PRMT8: variants seen among roughly 807,000 people sequenced by gnomAD.
PRMT8 encodes protein arginine N-methyltransferase 8.
PRMT8 carries 7 observed loss-of-function variants against 47.1 expected under a neutral mutation model. The ratio of observed to expected loss-of-function variants is 0.15; its 90% confidence interval spans 0.08 to 0.28. PRMT8 has a LOEUF of 0.28. PRMT8 is among the 10% of genes least tolerant of loss of function. The pLI is 1.00. For synonymous variants in PRMT8, 188 were observed against 186.5 expected (o/e 1.01, Z -0.07); for missense variants, 237 against 505.4 (o/e 0.47, Z 5.09).
rs1298126829 is a variant in PRMT8 at position 3,397,188 on chromosome 12, C to T, written c.48+15746C>T. Among the ~76,000 whole-genome samples the T allele has an allele frequency of 6.6e-5, 10 of 151,914 alleles. 2 individuals are homozygous for T. In the East Asian group the frequency reaches 1.4e-3, roughly 21 times the overall value. ...CTCCCATAGCTTGGAGTAATTTGATCGTCTGAAGCCTTCTTCTCAGCTCGT... is the reference window on the plus strand; with the variant it reads ...CTCCCATAGCTTGGAGTAATTTGATTGTCTGAAGCCTTCTTCTCAGCTCGT... On this transcript the variant is annotated intron_variant, in intron 1 of 9. Transcript: ENST00000452611.
intron 2 of PRMT8, among the ~76,000 whole-genome samples, chr12:3,547,564 G>A (rs1866346472): frequency 6.6e-6 from 1 of 152,116 alleles, no homozygotes; most frequent in Non-Finnish European, 1.5e-5. Context: ...GATTACTTGA[G>A]CCCCGGCATT....
intron 1 of PRMT8, among the ~76,000 whole-genome samples, chr12:3,466,302 C>T (rs576476931): frequency 2.0e-5 from 3 of 152,222 alleles, no homozygotes; most frequent in East Asian, 1.9e-4. Flanking sequence ...CTGGTGTGGC[C>T]GGTCTGATGA....
chr12:3,399,746 G>A (rs1332505501), intron 1 of PRMT8, among the ~76,000 whole-genome samples: 1 of 152,066 alleles, frequency 6.6e-6, no homozygotes, highest in Non-Finnish European at 1.5e-5. Flanking sequence ...TTTATACTTT[G>A]GATATTAGTT....
intron 1 of PRMT8, among the ~76,000 whole-genome samples, chr12:3,412,188 G>A (rs11614355): frequency 0.3 from 45,585 of 152,094 alleles, 7,856 homozygotes; most frequent in African/African-American, 0.47. Context: ...TCAATACTGT[G>A]GGCAATTGTA....
intron 1 of PRMT8, among the ~76,000 whole-genome samples, chr12:3,425,279 T>G (rs1295210348): frequency 1.3e-5 from 2 of 152,230 alleles, no homozygotes; most frequent in Non-Finnish European, 2.9e-5. Flanking sequence ...GGTCTTTATG[T>G]TTAGGTTTTG....
intron 1 of PRMT8, among the ~76,000 whole-genome samples, chr12:3,523,952 TCAAA>T (rs1221878213): frequency 6.6e-6 from 1 of 152,082 alleles, no homozygotes; most frequent in African/African-American, 2.4e-5. Context: ...TACTGATGAG[TCAAA>T]CAAAGGCGAC....
rs148546653 is a variant in PRMT8 at position 3,546,184 on chromosome 12, C to T, written c.262-3752C>T. Among the ~76,000 whole-genome samples the T allele has an allele frequency of 3.8e-3, 572 of 152,092 alleles. 6 individuals are homozygous for T. The Middle Eastern group carries it at 0.058, about 15-fold the overall frequency. On this transcript the variant is annotated intron_variant, in intron 2 of 9. Coordinates refer to ENST00000382622, the MANE Select transcript of PRMT8 (RefSeq NM_019854.5). Reference sequence around the variant, plus strand: ...AATACAACATATTAAAATTTGGAGACGGAAATTCAAGCAATATTTAGAGGG... The same window carrying T: ...AATACAACATATTAAAATTTGGAGATGGAAATTCAAGCAATATTTAGAGGG...
At chr12:3,444,847 C>G (rs187906036) in intron 1 of PRMT8, among the ~76,000 whole-genome samples, 2 of 152,342 alleles carry the variant, frequency 1.3e-5, no homozygotes, top group African/African-American at 4.8e-5. Context: ...CCTGCACATG[C>G]CCCTTCGGGT....
rs1190024559 is a variant in PRMT8, at chr12:3,508,928, A to G, written c.75+17228A>G. ...GAACTCTGCTCTCTCCTTTCTCCAT[A>G]ACAAGACCTGGCGATTCTACATCTG... is the stretch of plus-strand genomic sequence containing the variant. On this transcript the variant is annotated intron_variant, in intron 1 of 9. Transcript: ENST00000382622. The surrounding 1 kb of genome is among the most constrained non-coding windows in gnomAD (Gnocchi z 4.9). Among the ~76,000 whole-genome samples, 2 of 152,030 alleles carry G rather than the reference A, an allele frequency of 1.3e-5. No homozygotes were observed. The highest frequency in any genetic ancestry group is 2.9e-5 in the Non-Finnish European group (2 of 68,012).
chr12:3,468,063 T>C (rs560805829), intron 1 of PRMT8, among the ~76,000 whole-genome samples: 9 of 152,230 alleles, frequency 5.9e-5, no homozygotes, highest in African/African-American at 2.2e-4. Flanking sequence ...CTGAACCAAG[T>C]TGGGTTTATT....
intron 4 of PRMT8, among the ~76,000 whole-genome samples, chr12:3,559,502 T>G (rs1160757263): frequency 6.6e-6 from 1 of 152,224 alleles, no homozygotes; most frequent in Non-Finnish European, 1.5e-5. Context: ...TCTATTTATA[T>G]GTATTGTCAA....
chr12:3,527,562 C>T (rs924550847), intron 1 of PRMT8, among the ~76,000 whole-genome samples: 1 of 152,164 alleles, frequency 6.6e-6, no homozygotes, highest in Non-Finnish European at 1.5e-5. Flanking sequence ...AGGGAGACTA[C>T]TGTATAGAAA....
chr12:3,474,543 GCTGTGCCTCATCTCCACCAGCTGACA>G (rs1865191050), intron 1 of PRMT8, among the ~76,000 whole-genome samples: 1 of 152,046 alleles, frequency 6.6e-6, no homozygotes, highest in South Asian at 2.1e-4. Context: ...CCCCAGAGAA[GCTGTGCCTCATCTCCACCAGCTGACA>G]CTGTGCAGAC....
chr12:3,491,781 G>T (rs1865406743), intron 1 of PRMT8, 81 bp downstream of exon 1: 1 of 1,528,874 alleles, frequency 6.5e-7, no homozygotes, highest in African/African-American at 1.4e-5. Flanking sequence ...GCTCAGCGCC[G>T]AGTGCCAAAC....
chr12:3,433,674 C>T (rs1036656281), intron 1 of PRMT8, among the ~76,000 whole-genome samples: 10 of 152,046 alleles, frequency 6.6e-5, no homozygotes, highest in African/African-American at 1.4e-4. Context: ...TGCAGTGGCG[C>T]GATCTCGGCT....
Position 3,492,107 on chromosome 12 carries a change from T to C in PRMT8, c.75+407T>C, listed in dbSNP as rs1241264361. 6.6e-6 allele frequency among the ~76,000 whole-genome samples: 1 copy of C among 151,934 alleles called. No individual in the cohort carries two copies. Among genetic ancestry groups the C allele is most frequent in the Non-Finnish European group, 1.5e-5 (1 of 67,950 alleles). ...TGTGCAGAGCTGGGGTGGGTAATCC[T>C]GGGGCCAGGTCTGCCCCCTGCAGTG... On this transcript the variant is annotated intron_variant, in intron 1 of 9. Coordinates refer to ENST00000382622, the MANE Select transcript of PRMT8 (RefSeq NM_019854.5). The surrounding 1 kb of genome is among the most constrained non-coding windows in gnomAD (Gnocchi z 7.5).
At chr12:3,421,577 C>T (rs1864541507) in intron 1 of PRMT8, among the ~76,000 whole-genome samples, 1 of 152,142 alleles carries the variant, frequency 6.6e-6, no homozygotes, top group Non-Finnish European at 1.5e-5. Context: ...ATCCCATTAC[C>T]CAAATGCTGT....
chr12:3,491,831 CCTGT>C lies in PRMT8; in HGVS notation c.75+132_75+135del, dbSNP rs1206866088. 2.2e-4 allele frequency: 161 copies of C among 738,920 alleles called. 10 individuals carry two copies. In the East Asian group the frequency reaches 5.2e-3, roughly 24 times the overall value. 45.8% of individuals were successfully genotyped at this position (738,920 alleles called of 1,614,324 possible). ...TCCCGCTCGCTTCTGCCGGCCTCCT[CCTGT>C]GTGTGTGTGTGTGTGTGTGTGTGTG... On this transcript the variant is annotated intron_variant, in intron 1 of 9. Transcript: ENST00000382622.
chr12:3,431,011 G>A (rs1206257963), intron 1 of PRMT8, among the ~76,000 whole-genome samples: 1 of 152,178 alleles, frequency 6.6e-6, no homozygotes, highest in East Asian at 1.9e-4. Flanking sequence ...GTTCGACTCT[G>A]GAGAGATGAG....
Sources: allele counts gnomAD v4.1 joint callset (sites outside exome capture counted in the v4.1 genomes callset), GRCh38; gene constraint gnomAD v4.1.1; non-coding constraint Gnocchi (gnomAD v3.1); transcripts MANE v1.5; gene names NCBI Gene and HGNC (gene_info 2026-07-23, HGNC 2026-07-21).